PADI3: variants seen among roughly 807,000 people sequenced by gnomAD.
PADI3 encodes protein-arginine deiminase type-3.
PADI3 carries 53 observed loss-of-function variants against 71.5 expected under a neutral mutation model. That is an observed-to-expected ratio of 0.74 (90% CI 0.59 to 0.93). The LOEUF (loss-of-function observed/expected upper bound fraction) is 0.93, where lower values mean the gene tolerates loss of function less well. Among genes scored for constraint, PADI3 ranks in the 40% least tolerant of loss-of-function variants. The probability of loss-of-function intolerance (pLI) is 0.00; values close to 1 mark genes in which losing one functional copy is unlikely to be tolerated. For synonymous variants in PADI3, 361 were observed against 347.5 expected, an observed-to-expected ratio of 1.04 and a Z score of -0.43; for missense variants, 821 against 868.0, an observed-to-expected ratio of 0.95 and a Z score of 0.68.
In PADI3 at chr1:17,276,647, C is replaced by T; in HGVS notation, c.1436C>T (p.Pro479Leu). 6.2e-7 allele frequency: 1 copy of T among 1,614,144 alleles called. No homozygotes were observed. Among genetic ancestry groups the T allele is most frequent in the Non-Finnish European group, 8.5e-7 (1 of 1,180,016 alleles). ...GTGGATGAGTTTCTGAGCTTTGTCC[C>T]TGCCCCCGATGGGAAGGTAAGAACT... ...GHVDEFLSFV[P>L]APDGKGFRML... The change falls in exon 12 of 16, where the codon CCT becomes CTT. Residue 479 changes from proline (P) to leucine (L), a missense_variant. Transcript: ENST00000375460.
intron 5 of PADI3, among the ~76,000 whole-genome samples, 192 bp from the exon 6 acceptor site, chr1:17,267,645 A>T (rs564769115): frequency 2.0e-4 from 31 of 151,688 alleles, no homozygotes; most frequent in African/African-American, 7.2e-4. Flanking sequence ...TGGGCAATTG[A>T]GGAAACATGA....
chr1:17,265,556 G>T, intron 3 of PADI3, 103 bp from the exon 4 acceptor site: 2 of 1,018,702 alleles, frequency 2.0e-6, no homozygotes, highest in South Asian at 1.3e-5. Context: ...TGTCTCCTTA[G>T]AAATGACTTG....
In PADI3 at chr1:17,273,273, A is replaced by G. The variant is rs1209515805; in HGVS notation, c.1048-67A>G. 7.1e-6 allele frequency: 9 copies of G among 1,269,382 alleles called. No homozygotes were observed. The African/African-American group carries it at 1.2e-4, about 17-fold the overall frequency. The allele number at this position is 1,269,382 out of a possible 1,614,324, so 78.6% of individuals were successfully genotyped here. On this transcript the variant is annotated intron_variant, in intron 9 of 15. Transcript: ENST00000375460. Reference sequence around the variant, plus strand: ...GAGCAGTCTGCCCCACAGGGCTCAGAGCCGAGCCAGCAGGGGCAGCTGTTG... The same window carrying G: ...GAGCAGTCTGCCCCACAGGGCTCAGGGCCGAGCCAGCAGGGGCAGCTGTTG...
chr1:17,260,054 C>G (rs1404959650), intron 2 of PADI3, among the ~76,000 whole-genome samples: 4 of 152,154 alleles, frequency 2.6e-5, no homozygotes, highest in Non-Finnish European at 4.4e-5. Flanking sequence ...CAGTGTTGCT[C>G]CTTCTCTTGC....
At chr1:17,277,985 A>T (rs2073356201) in intron 13 of PADI3, 1 of 154,352 alleles carries the variant, frequency 6.5e-6, no homozygotes, top group Non-Finnish European at 1.5e-5. Context: ...TGTGGGTCTC[A>T]TAGCAGAGGC....
chr1:17,250,346 T>C (rs1224261257), intron 1 of PADI3, among the ~76,000 whole-genome samples: 1 of 152,140 alleles, frequency 6.6e-6, no homozygotes, highest in Non-Finnish European at 1.5e-5. Flanking sequence ...CTCTCTTTGC[T>C]AGATACCAGC....
chr1:17,270,885 T>C lies in PADI3; in HGVS notation c.838T>C (p.Ser280Pro), dbSNP rs764243499. The C allele has an allele frequency of 6.8e-6, 11 of 1,613,772 alleles. No homozygotes were observed. Among genetic ancestry groups the C allele is most frequent in the South Asian group, 4.4e-5 (4 of 91,086 alleles). ...TLLDDSNEDF[S>P]ASPIFTDTVV... ...CCCTGGTCTGCCCCTGCAGGATTTC[T>C]CGGCATCCCCTATCTTCACTGACAC... is the stretch of plus-strand genomic sequence containing the variant. Residue 280 changes from serine to proline, a missense_variant, in exon 8 of 16, where the codon TCG becomes CCG. Transcript: ENST00000375460.
rs768878511 is a variant in PADI3, at chr1:17,259,724, T to C, written c.239T>C (p.Met80Thr). ...FDATLEIIVVMNSPSNDLNDS... is the reference protein window; with the variant it reads ...FDATLEIIVVTNSPSNDLNDS... ...GCGACTTTGGAGATCATCGTGGTCA[T>C]GAACTCCCCCAGCAATGACCTCAAC... Residue 80 changes from methionine (M) to threonine (T), a missense_variant, in exon 2 of 16, where the codon ATG becomes ACG. By Grantham distance (81) the Met-to-Thr change is moderately conservative. Coordinates refer to ENST00000375460, the MANE Select transcript of PADI3 (RefSeq NM_016233.2). 1.7e-5 allele frequency: 27 copies of C among 1,611,888 alleles called. No homozygotes were observed. The highest frequency in any genetic ancestry group is 2.2e-5 in the Non-Finnish European group (26 of 1,178,576).
intron 14 of PADI3, 38 bp from the exon 15 acceptor site, chr1:17,280,633 G>T: frequency 1.9e-6 from 3 of 1,613,564 alleles, no homozygotes; most frequent in Non-Finnish European, 2.5e-6. Flanking sequence ...AAACACACTG[G>T]CAAGGTGTCC....
chr1:17,272,068 C>A (rs1262984487), intron 9 of PADI3, among the ~76,000 whole-genome samples: 1 of 152,128 alleles, frequency 6.6e-6, no homozygotes, highest in Non-Finnish European at 1.5e-5. Context: ...GGCATAGCAT[C>A]ATTTCATCTT....
chr1:17,271,711 G>A (rs1224618046), intron 9 of PADI3, among the ~76,000 whole-genome samples: 1 of 151,866 alleles, frequency 6.6e-6, no homozygotes, highest in African/African-American at 2.4e-5. Context: ...AGCAGGGCAT[G>A]GTGGCGTGTG....
intron 15 of PADI3, among the ~76,000 whole-genome samples, chr1:17,282,558 T>C (rs118096887): frequency 1.3e-5 from 2 of 152,194 alleles, no homozygotes; most frequent in East Asian, 1.9e-4. Context: ...GCCTAGAAGG[T>C]TGGGATTCTG....
At position 17,249,553 on chromosome 1, in the gene PADI3, T is replaced by C. The variant is rs146036980; in HGVS notation, c.92+324T>C. ...GGGATGCTGCAGGTTGGGCTGAGGA[T>C]CTGTCTGGGGCACACAAGAATAGGA... On this transcript the variant is annotated intron_variant, in intron 1 of 15. Transcript: ENST00000375460. 1.8e-3 allele frequency among the ~76,000 whole-genome samples: 280 copies of C among 152,272 alleles called. 5 individuals are homozygous for C. In the East Asian group the frequency reaches 0.046, roughly 25 times the overall value.
intron 1 of PADI3, among the ~76,000 whole-genome samples, chr1:17,249,707 C>G (rs535931711): frequency 6.6e-6 from 1 of 152,330 alleles, no homozygotes; most frequent in East Asian, 1.9e-4. Context: ...CTTCACAAGT[C>G]TCTTGAGTTA....
At chr1:17,275,144 T>C (rs554590131) in intron 11 of PADI3, among the ~76,000 whole-genome samples, 1 of 151,990 alleles carries the variant, frequency 6.6e-6, no homozygotes, top group East Asian at 1.9e-4. Context: ...CAATTAATAG[T>C]AACAGAAGAA....
At chr1:17,274,499 G>A (rs1457957088) in intron 10 of PADI3, 136 bp from the exon 11 acceptor site, 6 of 717,664 alleles carry the variant, frequency 8.4e-6, no homozygotes, top group South Asian at 5.6e-5. Context: ...CCCACCCACC[G>A]CCAATGACTC....
At position 17,283,904 on chromosome 1, in the gene PADI3, G is replaced by A. The variant is rs555835688; in HGVS notation, c.*825G>A. 6.6e-6 allele frequency: 1 copy of A among 152,400 alleles called. No individual in the cohort carries two copies. The highest frequency in any genetic ancestry group is 2.1e-4 in the South Asian group (1 of 4,828). 9.4% of individuals were successfully genotyped at this position (152,400 alleles called of 1,614,324 possible). On this transcript the variant is annotated 3_prime_UTR_variant, in exon 16 of 16. Coordinates refer to ENST00000375460, the MANE Select transcript of PADI3 (RefSeq NM_016233.2). The stretch of plus-strand genomic sequence containing the variant: ...GACTATGGTGATCCACCTTGTGATG[G>A]TTAATATTAGGTGTCTGGAGAAGGT...
At chr1:17,256,622 T>C (rs2073030950) in intron 1 of PADI3, among the ~76,000 whole-genome samples, 1 of 152,204 alleles carries the variant, frequency 6.6e-6, no homozygotes, top group African/African-American at 2.4e-5. Context: ...ACCCAGGGGC[T>C]GGAGCCTGGG....
Position 17,276,809 on chromosome 1 carries a change from C to A in PADI3, c.1488C>A (p.Cys496Ter), listed in dbSNP as rs765388289. 31 of 1,613,710 alleles carry A rather than the reference C, an allele frequency of 1.9e-5. No individual in the cohort carries two copies. The highest frequency in any genetic ancestry group is 2.6e-5 in the Non-Finnish European group (31 of 1,179,854). ...FRMLLASPGA[C>*]FKLFQEKQKC... ...TGCTCCTGGCCAGCCCTGGGGCCTG[C>A]TTCAAGCTCTTCCAGGAAAAGCAGA... The change falls in exon 13 of 16, where the codon TGC becomes TGA. Residue 496 changes from cysteine to a stop codon, truncating the protein, a stop_gained. Coordinates refer to ENST00000375460, the MANE Select transcript of PADI3 (RefSeq NM_016233.2). LOFTEE classifies it high-confidence loss of function.
Sources: allele counts gnomAD v4.1 joint callset (sites outside exome capture counted in the v4.1 genomes callset), GRCh38; gene constraint gnomAD v4.1.1; transcripts MANE v1.5; gene names NCBI Gene and HGNC (gene_info 2026-07-23, HGNC 2026-07-21).